The following AUTS2 variants were observed in gnomAD, a reference collection of about 807,000 sequenced individuals.
AUTS2 encodes activator of transcription and developmental regulator AUTS2.
AUTS2 carries 17 observed loss-of-function variants against 112.4 expected under a neutral mutation model. The ratio of observed to expected loss-of-function variants is 0.15; its 90% CI spans 0.10 to 0.23. The LOEUF (loss-of-function observed/expected upper bound fraction) is 0.23, where lower values mean the gene tolerates loss of function less well. AUTS2 is among the 10% of genes least tolerant of loss of function. The probability of loss-of-function intolerance (pLI) is 1.00; values close to 1 mark genes in which losing one functional copy is unlikely to be tolerated. For synonymous variants in AUTS2, 751 were observed against 702.7 expected (o/e 1.07, Z -1.09); for missense variants, 1,510 against 1,701.6 (o/e 0.89, Z 1.98).
intron 1 of AUTS2, among the ~76,000 whole-genome samples, chr7:69,809,590 A>G (rs1235570468): frequency 1.3e-5 from 2 of 152,210 alleles, no homozygotes; most frequent in Non-Finnish European, 2.9e-5. Flanking sequence ...CTGGGGGCTC[A>G]CATTTTACCT....
intron 4 of AUTS2, among the ~76,000 whole-genome samples, chr7:70,317,564 A>G (rs975169470): frequency 1.3e-5 from 2 of 152,186 alleles, no homozygotes; most frequent in African/African-American, 2.4e-5. Context: ...CTGAGGTCAC[A>G]CATTTAGTAA....
chr7:69,819,811 G>A (rs1199249803), intron 1 of AUTS2, among the ~76,000 whole-genome samples: 1 of 152,074 alleles, frequency 6.6e-6, no homozygotes, highest in Non-Finnish European at 1.5e-5. Flanking sequence ...CAGAGACAGG[G>A]TCCCACTATG....
intron 4 of AUTS2, among the ~76,000 whole-genome samples, chr7:70,282,936 A>G (rs1212916390): frequency 6.6e-6 from 1 of 152,202 alleles, no homozygotes; most frequent in Non-Finnish European, 1.5e-5. Context: ...CATTTATGCT[A>G]TTAAAAAAAT....
At chr7:70,098,965 G>A (rs1804344990) in intron 2 of AUTS2, among the ~76,000 whole-genome samples, 1 of 152,026 alleles carries the variant, frequency 6.6e-6, no homozygotes, top group Non-Finnish European at 1.5e-5. Flanking sequence ...ACCTCCCAAA[G>A]TGCTGGGATT....
intron 4 of AUTS2, among the ~76,000 whole-genome samples, chr7:70,182,467 G>A (rs1258519224): frequency 6.6e-6 from 1 of 152,160 alleles, no homozygotes; most frequent in African/African-American, 2.4e-5. Context: ...AGCTGACTAG[G>A]AGCAGGAACC....
chr7:70,746,691 G>A lies in AUTS2; in HGVS notation c.743-16179G>A, dbSNP rs370249690. On this transcript the variant is annotated intron_variant, in intron 6 of 18. Coordinates refer to ENST00000342771, the MANE Select transcript of AUTS2 (RefSeq NM_015570.4). ...AAAGGGGAGAGCGCAGGATCTTGGC[G>A]CACTGGACGGTGGCTGAAGGAGAGG... Among the ~76,000 whole-genome samples the A allele has an allele frequency of 2.9e-4, 44 of 152,180 alleles. 1 individual carries two copies. The South Asian group carries it at 8.1e-3, about 28-fold the overall frequency.
At chr7:70,134,486 G>A (rs1160245929) in intron 3 of AUTS2, 50 bp from the exon 4 acceptor site, 3 of 1,575,602 alleles carry the variant, frequency 1.9e-6, no homozygotes, top group East Asian at 2.2e-5. Context: ...ATTGGAACGT[G>A]TTAAAAACCA....
chr7:70,666,818 T>C (rs1432784837), intron 5 of AUTS2, among the ~76,000 whole-genome samples: 1 of 151,970 alleles, frequency 6.6e-6, no homozygotes, highest in Non-Finnish European at 1.5e-5. Context: ...TGGTGCAAGG[T>C]GTACCCTAGG....
chr7:70,431,769 G>A (rs556124747), intron 4 of AUTS2, among the ~76,000 whole-genome samples: 1 of 152,364 alleles, frequency 6.6e-6, no homozygotes, highest in Non-Finnish European at 1.5e-5. Context: ...AAGGAAGACT[G>A]TGCCTCCAGC....
At chr7:70,284,681 A>C (rs887776028) in intron 4 of AUTS2, among the ~76,000 whole-genome samples, 8 of 152,296 alleles carry the variant, frequency 5.3e-5, no homozygotes, top group African/African-American at 1.4e-4. Flanking sequence ...ATTCTGCTTC[A>C]CAGAAGCCTA....
intron 5 of AUTS2, among the ~76,000 whole-genome samples, chr7:70,687,806 C>T (rs111801069): frequency 0.012 from 1,869 of 152,270 alleles, 44 homozygotes; most frequent in African/African-American, 0.042. Context: ...AGCAGAGGAA[C>T]TGGGGGCCAC....
chr7:70,435,565 A>G (rs532379825), intron 4 of AUTS2, among the ~76,000 whole-genome samples, 187 bp from the exon 5 acceptor site: 48 of 152,300 alleles, frequency 3.2e-4, no homozygotes, highest in East Asian at 5.8e-4. Flanking sequence ...TCTGGATAGC[A>G]TTTTGTTTCA....
At chr7:69,686,700 T>G (rs1032281519) in intron 1 of AUTS2, among the ~76,000 whole-genome samples, 2 of 152,168 alleles carry the variant, frequency 1.3e-5, no homozygotes, top group African/African-American at 4.8e-5. Flanking sequence ...GGGTTGCAAA[T>G]TTTAATGCAT....
chr7:70,653,683 A>G (rs1219775020), intron 5 of AUTS2, among the ~76,000 whole-genome samples: 1 of 152,230 alleles, frequency 6.6e-6, no homozygotes, highest in African/African-American at 2.4e-5. Flanking sequence ...CAGAATGTTT[A>G]GCACAGAGCT....
At chr7:70,506,820 G>C (rs544944334) in intron 5 of AUTS2, among the ~76,000 whole-genome samples, 72 of 152,226 alleles carry the variant, frequency 4.7e-4, no homozygotes, top group Non-Finnish European at 2.1e-4. Context: ...TCTATATGGG[G>C]GAAATTAATG....
intron 5 of AUTS2, among the ~76,000 whole-genome samples, chr7:70,516,848 C>A (rs1483870181): frequency 6.6e-6 from 1 of 152,014 alleles, no homozygotes; most frequent in Non-Finnish European, 1.5e-5. Context: ...TTTTAATAGA[C>A]CCAAAATGGC....
intron 1 of AUTS2, among the ~76,000 whole-genome samples, chr7:69,764,940 A>AC (rs1183752992): frequency 6.6e-6 from 1 of 152,126 alleles, no homozygotes; most frequent in Non-Finnish European, 1.5e-5. Flanking sequence ...CAGCCAAAAC[A>AC]CAACAGTCTT....
intron 4 of AUTS2, among the ~76,000 whole-genome samples, chr7:70,408,561 C>G (rs1794640126): frequency 6.6e-6 from 1 of 152,226 alleles, no homozygotes; most frequent in African/African-American, 2.4e-5. Flanking sequence ...CTAGTGCTTA[C>G]AGCACCTGGT....
intron 1 of AUTS2, among the ~76,000 whole-genome samples, chr7:69,664,929 TA>T (rs1795962353): frequency 6.6e-6 from 1 of 152,174 alleles, no homozygotes; most frequent in African/African-American, 2.4e-5. Flanking sequence ...ATTTAGGATA[TA>T]GGTACAAATG....
Sources: gnomAD v4.1 joint callset for allele counts (sites outside exome capture counted in the v4.1 genomes callset) on GRCh38, gnomAD v4.1.1 for gene constraint, MANE v1.5 for transcripts, NCBI Gene and HGNC (gene_info 2026-07-23, HGNC 2026-07-21) for gene names.